The following PDE4B variants were observed in gnomAD, a reference collection of about 807,000 sequenced individuals.
The protein encoded by PDE4B is 3',5'-cyclic-AMP phosphodiesterase 4B.
PDE4B carries 20 observed loss-of-function variants against 82.2 expected under a neutral mutation model. The observed-to-expected ratio is 0.24, with a 90% CI of 0.17 to 0.35. The LOEUF is 0.35. Ranked by LOEUF, PDE4B falls within the 10% of genes least tolerant of loss-of-function variation. The pLI is 1.00. For missense variants in PDE4B, 655 were observed against 907.2 expected (o/e 0.72, Z 3.57); for synonymous variants, 320 against 318.9 (o/e 1.00, Z -0.04).
At chr1:65,939,443 C>T (rs1648327217) in intron 3 of PDE4B, among the ~76,000 whole-genome samples, 1 of 152,102 alleles carries the variant, frequency 6.6e-6, no homozygotes, top group African/African-American at 2.4e-5. Context: ...GACAAAAGGG[C>T]TCTGAATATG....
chr1:66,124,224 A>G (rs935803403), intron 3 of PDE4B, among the ~76,000 whole-genome samples: 1 of 152,200 alleles, frequency 6.6e-6, no homozygotes, highest in Non-Finnish European at 1.5e-5. Context: ...AAGACACCAA[A>G]AAATGTGCTT....
At chr1:66,281,487 A>C (rs1305760894) in intron 7 of PDE4B, among the ~76,000 whole-genome samples, 1 of 152,190 alleles carries the variant, frequency 6.6e-6, no homozygotes, top group African/African-American at 2.4e-5. Flanking sequence ...CCTTGCTAGA[A>C]GATCACTTGC....
chr1:66,201,121 T>C (rs1084481), intron 3 of PDE4B, among the ~76,000 whole-genome samples: 19,351 of 152,244 alleles, frequency 0.13, 1,431 homozygotes, highest in Non-Finnish European at 0.17. Context: ...TTTTTGTCTT[T>C]GGTTCTGTTT....
intron 7 of PDE4B, among the ~76,000 whole-genome samples, chr1:66,310,514 A>G (rs1027183364): frequency 7.2e-5 from 11 of 152,210 alleles, no homozygotes; most frequent in African/African-American, 2.4e-4. Flanking sequence ...AGTATCTTTA[A>G]GTGGAATTCA....
At chr1:66,267,298 C>T (rs535032956) in intron 7 of PDE4B, 2 of 152,240 alleles carry the variant, frequency 1.3e-5, no homozygotes, top group South Asian at 4.1e-4. Flanking sequence ...TCTTTTAGAA[C>T]TTTTATAAAA....
At chr1:66,021,887 A>G (rs1215583932) in intron 3 of PDE4B, among the ~76,000 whole-genome samples, 1 of 152,204 alleles carries the variant, frequency 6.6e-6, no homozygotes, top group African/African-American at 2.4e-5. Flanking sequence ...CATTGAATCT[A>G]TAAATTACCT....
intron 3 of PDE4B, among the ~76,000 whole-genome samples, chr1:65,965,250 C>A (rs556681437): frequency 6.6e-6 from 1 of 152,054 alleles, no homozygotes; most frequent in East Asian, 1.9e-4. Flanking sequence ...ATTTCCTCCC[C>A]CCCCCATGGA....
chr1:66,330,320 G>T (rs766952316), intron 7 of PDE4B, among the ~76,000 whole-genome samples: 1 of 152,248 alleles, frequency 6.6e-6, no homozygotes, highest in Non-Finnish European at 1.5e-5. Context: ...CTGAGTGCTT[G>T]TTCCATGCAG....
At chr1:65,957,111 A>C (rs1019357679) in intron 3 of PDE4B, among the ~76,000 whole-genome samples, 1 of 143,996 alleles carries the variant, frequency 6.9e-6, no homozygotes, top group African/African-American at 2.6e-5. Context: ...GCATTTTTAC[A>C]TTTATGTAAA....
intron 3 of PDE4B, among the ~76,000 whole-genome samples, chr1:66,126,555 T>C (rs1486092435): frequency 1.3e-5 from 2 of 152,212 alleles, no homozygotes; most frequent in Non-Finnish European, 2.9e-5. Context: ...ATAATTTATT[T>C]TCAAACCAAA....
chr1:66,194,709 T>C (rs1648135002), intron 3 of PDE4B, among the ~76,000 whole-genome samples: 1 of 152,132 alleles, frequency 6.6e-6, no homozygotes. Context: ...TTGCAGAATA[T>C]GAAAATAATA....
At chr1:65,844,829 A>G (rs1177073977) in intron 1 of PDE4B, among the ~76,000 whole-genome samples, 1 of 152,216 alleles carries the variant, frequency 6.6e-6, no homozygotes, top group Non-Finnish European at 1.5e-5. Context: ...TCCAGAAATC[A>G]TAAGCAGATA....
At chr1:66,004,747 G>T (rs190803163) in intron 3 of PDE4B, among the ~76,000 whole-genome samples, 73 of 152,124 alleles carry the variant, frequency 4.8e-4, no homozygotes, top group Non-Finnish European at 9.3e-4. Flanking sequence ...GTTTATTCAT[G>T]AGAGGCAGTG....
intron 3 of PDE4B, among the ~76,000 whole-genome samples, chr1:65,927,670 G>A (rs186334629): frequency 2.6e-5 from 4 of 151,894 alleles, no homozygotes; most frequent in African/African-American, 7.2e-5. Flanking sequence ...ATAACCACTC[G>A]TGCTTCTTTC....
intron 1 of PDE4B, among the ~76,000 whole-genome samples, chr1:65,906,387 A>T (rs1419584682): frequency 6.6e-6 from 1 of 152,106 alleles, no homozygotes; most frequent in African/African-American, 2.4e-5. Flanking sequence ...CCAGGTTATT[A>T]ATAGATTTGA....
intron 3 of PDE4B, among the ~76,000 whole-genome samples, chr1:65,951,420 A>C (rs1247075245): frequency 6.6e-6 from 1 of 152,042 alleles, no homozygotes; most frequent in Non-Finnish European, 1.5e-5. Context: ...CTATTTTTTT[A>C]GTTTGAGTTT....
At chr1:65,976,610 G>A (rs1286022933) in intron 3 of PDE4B, among the ~76,000 whole-genome samples, 1 of 152,102 alleles carries the variant, frequency 6.6e-6, no homozygotes, top group Non-Finnish European at 1.5e-5. Context: ...TCAAATTGGA[G>A]GCGGGACCTG....
chr1:66,034,583 G>A (rs1653967008), intron 3 of PDE4B, among the ~76,000 whole-genome samples: 1 of 152,126 alleles, frequency 6.6e-6, no homozygotes, highest in Admixed American at 6.5e-5. Flanking sequence ...GGCAGAAAAG[G>A]GGAGAAGGCA....
chr1:65,907,157 G>A (rs1375821356), intron 1 of PDE4B, among the ~76,000 whole-genome samples: 1 of 152,028 alleles, frequency 6.6e-6, no homozygotes, highest in African/African-American at 2.4e-5. Flanking sequence ...ATTTTGGGGA[G>A]GAAGCACATT....
Sources: allele counts gnomAD v4.1 joint callset (sites outside exome capture counted in the v4.1 genomes callset), GRCh38; gene constraint gnomAD v4.1.1; transcripts MANE v1.5; gene names NCBI Gene and HGNC (gene_info 2026-07-23, HGNC 2026-07-21).